RBFOX1: variants seen among roughly 807,000 people sequenced by gnomAD.
RBFOX1 encodes RNA binding fox-1 homolog 1, also known as RNA binding protein fox-1 homolog 1.
RBFOX1 carries 8 observed loss-of-function variants against 57.7 expected under a neutral mutation model. The ratio of observed to expected loss-of-function variants is 0.14; its 90% confidence interval spans 0.08 to 0.25. The LOEUF (loss-of-function observed/expected upper bound fraction) is 0.25. Among genes scored for constraint, RBFOX1 ranks in the 10% least tolerant of loss-of-function variants. The probability of loss-of-function intolerance (pLI) is 1.00; values close to 1 mark genes in which losing one functional copy is unlikely to be tolerated. For synonymous variants in RBFOX1, 326 were observed against 222.4 expected, an observed-to-expected ratio of 1.47 and a Z score of -4.15; for missense variants, 611 against 548.5, an observed-to-expected ratio of 1.11 and a Z score of -1.14.
chr16:6,164,247 G>A (rs1003463541), intron 1 of RBFOX1, among the ~76,000 whole-genome samples: 2 of 151,936 alleles, frequency 1.3e-5, no homozygotes, highest in African/African-American at 4.8e-5. Flanking sequence ...CTGTATCTTT[G>A]AATTATATGT....
chr16:6,158,195 G>A (rs1056963077), intron 1 of RBFOX1, among the ~76,000 whole-genome samples: 12 of 152,206 alleles, frequency 7.9e-5, no homozygotes, highest in African/African-American at 2.9e-4. Flanking sequence ...CTGGTCTGAA[G>A]AATGTGATGC....
At chr16:7,440,645 C>T (rs1423486108) in intron 4 of RBFOX1, among the ~76,000 whole-genome samples, 2 of 152,102 alleles carry the variant, frequency 1.3e-5, no homozygotes, top group African/African-American at 4.8e-5. Flanking sequence ...TTTTTAGCCT[C>T]ACAGGTTTTG....
At chr16:7,005,242 A>C (rs980281226) in intron 3 of RBFOX1, among the ~76,000 whole-genome samples, 4 of 152,286 alleles carry the variant, frequency 2.6e-5, no homozygotes, top group East Asian at 1.9e-4. Context: ...GATGAGTGCT[A>C]ATAGCTTTCC....
rs970521686 is a variant in RBFOX1 at position 6,354,091 on chromosome 16, G to A, written c.-64+37034G>A. 2.6e-5 allele frequency among the ~76,000 whole-genome samples: 4 copies of A among 151,978 alleles called. No individual in the cohort carries two copies. In the South Asian group the frequency reaches 8.3e-4, roughly 32 times the overall value. On this transcript the variant is annotated intron_variant, in intron 2 of 15. Transcript: ENST00000550418. ...AAAAATTAGCCAGGCCTGGTGGCAT[G>A]CGTCTGTAGTCCCAGCTACTGGGGA... is the stretch of plus-strand genomic sequence containing the variant.
rs1028441197 is a variant in RBFOX1, at chr16:5,867,446, G to A, written c.351+111G>A. On this transcript the variant is annotated intron_variant, in intron 4 of 19. Transcript: ENST00000641259. ...TGATTCTTCCGTGTTTCATTTCCTG[G>A]TGGCTTGGATGGTGTGTTTTCAGTT... 14 of 794,194 alleles carry A rather than the reference G, an allele frequency of 1.8e-5. No homozygotes were observed. The Admixed American group carries it at 3.5e-4, about 20-fold the overall frequency. The allele number at this position is 794,194 out of a possible 1,614,324, so 49.2% of individuals were successfully genotyped here.
At chr16:7,594,051 G>A (rs1036747168) in intron 7 of RBFOX1, among the ~76,000 whole-genome samples, 8 of 152,058 alleles carry the variant, frequency 5.3e-5, no homozygotes, top group Admixed American at 5.2e-4. Flanking sequence ...AGGTATACGT[G>A]TGCCATATTG....
rs545109017 is a variant in RBFOX1 at position 5,599,254 on chromosome 16, G to C, written c.*5G>C. Reference sequence around the variant, plus strand: ...CCGGGGCACAGTGGTTGGTGACAAGGCTGCAAATTGGTCCCTCTGCGCCCT... The same window carrying C: ...CCGGGGCACAGTGGTTGGTGACAAGCCTGCAAATTGGTCCCTCTGCGCCCT... On this transcript the variant is annotated 3_prime_UTR_variant, in exon 3 of 3. Coordinates refer to the RBFOX1 transcript ENST00000585867. The C allele has an allele frequency of 1.0e-5, 7 of 673,174 alleles. No individual in the cohort carries two copies. In the African/African-American group the frequency reaches 1.2e-4, roughly 12 times the overall value. 41.7% of individuals were successfully genotyped at this position (673,174 alleles called of 1,614,324 possible).
At chr16:7,215,707 A>G (rs939784491) in intron 4 of RBFOX1, among the ~76,000 whole-genome samples, 4 of 150,250 alleles carry the variant, frequency 2.7e-5, no homozygotes, top group African/African-American at 9.8e-5. Context: ...TCTATCTCTA[A>G]GAATTGGCCT....
intron 4 of RBFOX1, among the ~76,000 whole-genome samples, chr16:7,396,438 T>A (rs186737084): frequency 1.3e-4 from 20 of 151,964 alleles, no homozygotes; most frequent in African/African-American, 4.8e-4. Flanking sequence ...TTTCACAGAC[T>A]CCCACCCTGA....
intron 3 of RBFOX1, among the ~76,000 whole-genome samples, chr16:6,966,913 ATC>A (rs2084364374): frequency 6.7e-6 from 1 of 150,064 alleles, no homozygotes; most frequent in African/African-American, 2.5e-5. Context: ...CCATCCATCC[ATC>A]CATCCATCCA....
At chr16:7,709,021 C>A (rs751827083) in intron 14 of RBFOX1, 35 bp from the exon 15 acceptor site, 2 of 1,559,946 alleles carry the variant, frequency 1.3e-6, no homozygotes, top group Admixed American at 1.7e-5. Flanking sequence ...TAATTGCATA[C>A]TGTGGATCAA....
chr16:6,664,513 A>T lies in RBFOX1; in HGVS notation c.-16+9863A>T, dbSNP rs73529877. Among the ~76,000 whole-genome samples the T allele has an allele frequency of 2.2e-3, 329 of 152,264 alleles. 1 individual carries two copies. Among genetic ancestry groups the T allele is most frequent in the African/African-American group, 7.8e-3 (326 of 41,564 alleles). On this transcript the variant is annotated intron_variant, in intron 3 of 15. Transcript: ENST00000550418. Reference sequence around the variant, plus strand: ...GTGGATGGGATCTTGGTAGGATGTGATACATATACCACAAGTAGATCTCAT... The same window carrying T: ...GTGGATGGGATCTTGGTAGGATGTGTTACATATACCACAAGTAGATCTCAT...
At chr16:5,810,677 G>T (rs1313126531) in intron 3 of RBFOX1, among the ~76,000 whole-genome samples, 1 of 152,174 alleles carries the variant, frequency 6.6e-6, no homozygotes, top group Non-Finnish European at 1.5e-5. Context: ...CAGAATTCAG[G>T]AGTAGGGTCT....
At chr16:5,705,821 C>G (rs908893768) in intron 3 of RBFOX1, among the ~76,000 whole-genome samples, 1 of 152,204 alleles carries the variant, frequency 6.6e-6, no homozygotes, top group African/African-American at 2.4e-5. Context: ...TGCTTATTAT[C>G]ATATCCGTAG....
chr16:6,644,931 A>C lies in RBFOX1; in HGVS notation c.-63-9672A>C, dbSNP rs78256886. 2.3e-4 allele frequency among the ~76,000 whole-genome samples: 35 copies of C among 152,276 alleles called. 1 individual carries two copies. Among genetic ancestry groups the C allele is most frequent in the Admixed American group, 7.2e-4 (11 of 15,292 alleles). On this transcript the variant is annotated intron_variant, in intron 2 of 15. Transcript: ENST00000550418. The stretch of plus-strand genomic sequence containing the variant: ...CCTTGATCCTCTGTATTTATTTTCT[A>C]TGACTTCCGTAGCAAATCATCACAA...
intron 3 of RBFOX1, among the ~76,000 whole-genome samples, chr16:6,759,608 C>G (rs969656312): frequency 1.3e-5 from 2 of 151,544 alleles, no homozygotes; most frequent in Non-Finnish European, 1.5e-5. Flanking sequence ...GTGGCAGAGC[C>G]TTTTGTTCTT....
At chr16:5,342,863 G>A (rs1479301737) in intron 1 of RBFOX1, among the ~76,000 whole-genome samples, 2 of 152,054 alleles carry the variant, frequency 1.3e-5, no homozygotes, top group African/African-American at 2.4e-5. Flanking sequence ...TTTCCCTATT[G>A]TACAGCAGAG....
In RBFOX1 at chr16:7,453,415, C is replaced by T. The variant is rs534128209; in HGVS notation, c.28-64732C>T. Among the ~76,000 whole-genome samples, 21 of 152,220 alleles carry T rather than the reference C, an allele frequency of 1.4e-4. 1 individual carries two copies. Among genetic ancestry groups the T allele is most frequent in the Admixed American group, 8.5e-4 (13 of 15,294 alleles). Reference sequence around the variant, plus strand: ...GTGGGGATAAGTAGGCAGGAGCCTACATGGTCTTGCCGGCCATGATCGGGA... The same window carrying T: ...GTGGGGATAAGTAGGCAGGAGCCTATATGGTCTTGCCGGCCATGATCGGGA... On this transcript the variant is annotated intron_variant, in intron 4 of 15. Coordinates refer to ENST00000550418, the MANE Select transcript of RBFOX1 (RefSeq NM_018723.4).
chr16:5,810,128 G>T (rs910730003), intron 3 of RBFOX1, among the ~76,000 whole-genome samples: 2 of 147,940 alleles, frequency 1.4e-5, no homozygotes, highest in African/African-American at 4.9e-5. Flanking sequence ...TGAACAGTGA[G>T]AACACATGGA....
Sources: gnomAD v4.1 joint callset for allele counts (sites outside exome capture counted in the v4.1 genomes callset) on GRCh38, gnomAD v4.1.1 for gene constraint, MANE v1.5 for transcripts, NCBI Gene and HGNC (gene_info 2026-07-23, HGNC 2026-07-21) for gene names.